The following STXBP6 variants were observed in gnomAD, a reference collection of about 807,000 sequenced individuals.
STXBP6 encodes syntaxin binding protein 6.
STXBP6 carries 21 observed loss-of-function variants against 26.9 expected under a neutral mutation model. The observed-to-expected ratio is 0.78, with a 90% CI of 0.55 to 1.12. STXBP6 has a LOEUF of 1.12. STXBP6 is among the 50% of genes most tolerant of loss of function. STXBP6 has a pLI of 0.00. For synonymous variants in STXBP6, 97 were observed against 92.6 expected (o/e 1.05, Z -0.27); for missense variants, 232 against 257.9 (o/e 0.90, Z 0.69).
At chr14:24,914,372 A>C (rs766234798) in intron 2 of STXBP6, among the ~76,000 whole-genome samples, 23 of 152,176 alleles carry the variant, frequency 1.5e-4, no homozygotes, top group Non-Finnish European at 2.8e-4. Context: ...CAGGATAGTC[A>C]AATGCTTGGC....
chr14:24,990,321 C>T (rs561405093), intron 1 of STXBP6, among the ~76,000 whole-genome samples: 47 of 152,172 alleles, frequency 3.1e-4, no homozygotes, highest in African/African-American at 9.9e-4. Flanking sequence ...GAGAAAGGCC[C>T]GACTTAGGAA....
intron 2 of STXBP6, among the ~76,000 whole-genome samples, chr14:24,904,799 A>C (rs543214792): frequency 2.0e-5 from 3 of 152,194 alleles, no homozygotes; most frequent in Non-Finnish European, 2.9e-5. Flanking sequence ...ACTGGAAGAA[A>C]AATTTCTGTT....
chr14:24,976,852 C>CTTTTTCTTTTTTTTTTTT (rs2074058227), intron 1 of STXBP6, among the ~76,000 whole-genome samples: 1 of 45,276 alleles, frequency 2.2e-5, no homozygotes, highest in African/African-American at 1.1e-4. Flanking sequence ...ACTGGGCGCT[C>CTTTTTCTTTTTTTTTTTT]TTTTTTTTTT....
intron 1 of STXBP6, among the ~76,000 whole-genome samples, chr14:25,006,510 T>C (rs1013736261): frequency 3.3e-5 from 5 of 152,292 alleles, no homozygotes; most frequent in Middle Eastern, 3.4e-3. Flanking sequence ...CACATAAACA[T>C]GGTTGATGCT....
intron 1 of STXBP6, among the ~76,000 whole-genome samples, chr14:24,978,291 A>G (rs1043269328): frequency 3.3e-5 from 5 of 152,264 alleles, no homozygotes; most frequent in African/African-American, 1.2e-4. Context: ...TCATGCAGCC[A>G]TGCAGTCATT....
chr14:24,829,523 C>T (rs2068392036), intron 4 of STXBP6, among the ~76,000 whole-genome samples: 2 of 152,164 alleles, frequency 1.3e-5, no homozygotes, highest in South Asian at 4.1e-4. Flanking sequence ...ATATAATCAG[C>T]ATCTTTACCC....
At chr14:24,907,076 G>A (rs1043843616) in intron 2 of STXBP6, among the ~76,000 whole-genome samples, 1 of 152,022 alleles carries the variant, frequency 6.6e-6, no homozygotes, top group Non-Finnish European at 1.5e-5. Flanking sequence ...AAATACAGTT[G>A]GAAGGAATAT....
chr14:25,022,745 T>C (rs1248603497), intron 1 of STXBP6, among the ~76,000 whole-genome samples: 1 of 152,186 alleles, frequency 6.6e-6, no homozygotes, highest in Non-Finnish European at 1.5e-5. Flanking sequence ...TCCTAGGTGA[T>C]CTCATCCAAG....
At chr14:24,975,627 G>T (rs2074025031) in intron 1 of STXBP6, among the ~76,000 whole-genome samples, 2 of 152,172 alleles carry the variant, frequency 1.3e-5, no homozygotes, top group South Asian at 2.1e-4. Flanking sequence ...TGGTTAACTG[G>T]CAGTGGATGC....
chr14:24,915,374 G>T (rs955015962), intron 2 of STXBP6, among the ~76,000 whole-genome samples: 2 of 152,104 alleles, frequency 1.3e-5, no homozygotes, highest in African/African-American at 4.8e-5. Flanking sequence ...GGCATGGATT[G>T]TTTCACTACT....
intron 2 of STXBP6, among the ~76,000 whole-genome samples, chr14:24,915,308 G>C (rs937328852): frequency 3.9e-5 from 6 of 152,104 alleles, no homozygotes; most frequent in African/African-American, 1.4e-4. Context: ...TTTTTCAAGA[G>C]CCATAGTCAA....
At chr14:24,896,835 A>G (rs2071007369) in intron 2 of STXBP6, among the ~76,000 whole-genome samples, 1 of 152,188 alleles carries the variant, frequency 6.6e-6, no homozygotes, top group South Asian at 2.1e-4. Context: ...GATGAACAAA[A>G]GCATCCGGAG....
intron 2 of STXBP6, among the ~76,000 whole-genome samples, chr14:24,872,938 G>A (rs971887374): frequency 9.2e-5 from 14 of 152,052 alleles, no homozygotes; most frequent in African/African-American, 2.9e-4. Context: ...TTGTTGTGCC[G>A]AATCTGATTC....
intron 2 of STXBP6, among the ~76,000 whole-genome samples, chr14:24,898,510 C>G (rs1317150861): frequency 6.6e-6 from 1 of 152,068 alleles, no homozygotes; most frequent in African/African-American, 2.4e-5. Context: ...AACCCCATCT[C>G]TACTAAAAAT....
At chr14:24,828,563 G>C (rs2068357303) in intron 4 of STXBP6, among the ~76,000 whole-genome samples, 1 of 151,994 alleles carries the variant, frequency 6.6e-6, no homozygotes, top group African/African-American at 2.4e-5. Context: ...AGTAGCAATG[G>C]GCAAATACAG....
intron 1 of STXBP6, among the ~76,000 whole-genome samples, chr14:24,984,280 C>G (rs553472856): frequency 3.9e-5 from 6 of 152,004 alleles, no homozygotes. Context: ...AAAAAAGAAA[C>G]CTTCCTTATT....
At chr14:24,893,443 C>T (rs1362683754) in intron 2 of STXBP6, among the ~76,000 whole-genome samples, 1 of 152,206 alleles carries the variant, frequency 6.6e-6, no homozygotes, top group African/African-American at 2.4e-5. Flanking sequence ...AGAGCTTTGG[C>T]TATCTGGCTT....
rs181902961 is a variant in STXBP6, at chr14:25,029,428, T to C, written c.-33+20450A>G. Among the ~76,000 whole-genome samples the C allele has an allele frequency of 2.8e-4, 43 of 152,318 alleles. 1 individual carries two copies. The highest frequency in any genetic ancestry group is 9.6e-4 in the African/African-American group (40 of 41,544). On this transcript the variant is annotated intron_variant, in intron 1 of 5. Coordinates refer to ENST00000323944, the MANE Select transcript of STXBP6 (RefSeq NM_001394410.1). ...GCATTTTTTAGCAATAAAGTATTTTTAATTCAGGTATGTATTTTTTCAGAC... is the reference window on the plus strand; with the variant it reads ...GCATTTTTTAGCAATAAAGTATTTTCAATTCAGGTATGTATTTTTTCAGAC...
intron 4 of STXBP6, among the ~76,000 whole-genome samples, chr14:24,851,553 AG>A (rs923504295): frequency 1.3e-5 from 2 of 152,086 alleles, no homozygotes; most frequent in African/African-American, 4.8e-5. Context: ...ATTAGCTGAA[AG>A]CAAGTCCCTC....
Sources: allele counts gnomAD v4.1 joint callset (sites outside exome capture counted in the v4.1 genomes callset), GRCh38; gene constraint gnomAD v4.1.1; transcripts MANE v1.5; gene names NCBI Gene and HGNC (gene_info 2026-07-23, HGNC 2026-07-21).